Variants in ENTREP2 observed in about 807,000 individuals in gnomAD.
ENTREP2 encodes the protein endosomal transmembrane epsin interactor 2.
At chr15:29,403,026 G>A in the ENTREP2 span, among the ~76,000 whole-genome samples, 1 of 152,130 alleles carries the variant, frequency 6.6e-6, no homozygotes, top group South Asian at 2.1e-4. Flanking sequence ...GGTATGGAAA[G>A]GCTCTGGAAA....
chr15:29,613,887 C>A, the ENTREP2 span: 2 of 167,620 alleles, frequency 1.2e-5, no homozygotes, highest in South Asian at 1.5e-4. Flanking sequence ...TGCCCAAACT[C>A]ACCCAGCAGG....
the ENTREP2 span, among the ~76,000 whole-genome samples, chr15:29,475,283 A>T: frequency 6.6e-6 from 1 of 152,038 alleles, no homozygotes. Context: ...GCATCTGCGC[A>T]CGCTCTTGGT....
chr15:29,593,318 A>G, the ENTREP2 span, among the ~76,000 whole-genome samples: 1 of 152,112 alleles, frequency 6.6e-6, no homozygotes, highest in South Asian at 2.1e-4. Flanking sequence ...CCACTCTTCT[A>G]TTCTCTGCTC....
the ENTREP2 span, among the ~76,000 whole-genome samples, chr15:29,193,934 C>T: frequency 6.6e-6 from 1 of 152,036 alleles, no homozygotes; most frequent in Non-Finnish European, 1.5e-5. Context: ...ATGTTAAGAT[C>T]TATATACTGA....
chr15:29,448,267 G>A, the ENTREP2 span, among the ~76,000 whole-genome samples: 1 of 152,260 alleles, frequency 6.6e-6, no homozygotes, highest in African/African-American at 2.4e-5. Context: ...GAGCCTCAAT[G>A]GGCTCCAGTG....
chr15:29,508,535 A>G, the ENTREP2 span, among the ~76,000 whole-genome samples: 1 of 152,220 alleles, frequency 6.6e-6, no homozygotes, highest in Non-Finnish European at 1.5e-5. Context: ...CAGCACATTA[A>G]AAAGCTTATC....
the ENTREP2 span, among the ~76,000 whole-genome samples, chr15:29,597,106 T>C: frequency 6.6e-6 from 1 of 151,666 alleles, no homozygotes; most frequent in African/African-American, 2.4e-5. Flanking sequence ...AAAAAATCCC[T>C]GTGCTTCACC....
chr15:29,298,044 A>G, the ENTREP2 span, among the ~76,000 whole-genome samples: 74,040 of 151,996 alleles, frequency 0.49, 19,458 homozygotes, highest in African/African-American at 0.71. Context: ...AAATGTCAAA[A>G]GTTTGAAACA....
At chr15:29,130,792 C>G in the ENTREP2 span, among the ~76,000 whole-genome samples, 1 of 152,148 alleles carries the variant, frequency 6.6e-6, no homozygotes, top group Non-Finnish European at 1.5e-5. Context: ...CACGCTAAGC[C>G]ATGGGGAAAA....
chr15:29,462,767 C>A, the ENTREP2 span, among the ~76,000 whole-genome samples: 1 of 152,062 alleles, frequency 6.6e-6, no homozygotes, highest in Non-Finnish European at 1.5e-5. Flanking sequence ...CCCCTATGTC[C>A]AGAGGACAGT....
chr15:29,145,622 CAAAAAAAA>C, the ENTREP2 span, among the ~76,000 whole-genome samples: 4 of 58,254 alleles, frequency 6.9e-5, no homozygotes, highest in Admixed American at 2.4e-4. Flanking sequence ...GACTCCATCT[CAAAAAAAA>C]AAAAAAAAAA....
chr15:29,536,258 CAT>C, the ENTREP2 span, among the ~76,000 whole-genome samples: 8 of 152,114 alleles, frequency 5.3e-5, no homozygotes, highest in Non-Finnish European at 8.8e-5. Flanking sequence ...CTTTTGTGTA[CAT>C]GTGTCCTCTG....
At chr15:29,235,060 C>G in the ENTREP2 span, 1 of 1,124,238 alleles carries the variant, frequency 8.9e-7, no homozygotes, top group Non-Finnish European at 1.4e-6. Context: ...GGCCCCACAG[C>G]CAGGACAGGT....
chr15:29,200,622 G>C, the ENTREP2 span, among the ~76,000 whole-genome samples: 1 of 151,602 alleles, frequency 6.6e-6, no homozygotes, highest in Non-Finnish European at 1.5e-5. Flanking sequence ...GCAATTGCGT[G>C]ATCTCACCTC....
the ENTREP2 span, among the ~76,000 whole-genome samples, chr15:29,383,453 T>A: frequency 2.0e-5 from 3 of 152,186 alleles, no homozygotes; most frequent in East Asian, 5.8e-4. Context: ...CAGGGCAGCA[T>A]GTGAGAAGGC....
chr15:29,366,509 C>T, the ENTREP2 span, among the ~76,000 whole-genome samples: 1 of 152,076 alleles, frequency 6.6e-6, no homozygotes, highest in African/African-American at 2.4e-5. Flanking sequence ...ACTCATATGG[C>T]CATGGAAGCA....
chr15:29,657,153 T>C, the ENTREP2 span, among the ~76,000 whole-genome samples: 1 of 151,990 alleles, frequency 6.6e-6, no homozygotes, highest in South Asian at 2.1e-4. Flanking sequence ...GTTCCGGCCA[T>C]TCTCCTGCCT....
the ENTREP2 span, among the ~76,000 whole-genome samples, chr15:29,592,731 G>A: frequency 6.6e-6 from 1 of 152,152 alleles, no homozygotes; most frequent in Non-Finnish European, 1.5e-5. Context: ...GGGTTGTGAG[G>A]ATGGATCCCT....
the ENTREP2 span, among the ~76,000 whole-genome samples, chr15:29,601,556 G>C: frequency 6.6e-6 from 1 of 151,328 alleles, no homozygotes; most frequent in Non-Finnish European, 1.5e-5. Flanking sequence ...TGTATATCTA[G>C]AGTTTCTCCG....
Sources: gnomAD v4.1 joint callset for allele counts (sites outside exome capture counted in the v4.1 genomes callset) on GRCh38, gnomAD v4.1.1 for gene constraint, MANE v1.5 for transcripts, NCBI Gene and HGNC (gene_info 2026-07-23, HGNC 2026-07-21) for gene names.